The following VTI1A variants were observed in gnomAD, a reference collection of about 807,000 sequenced individuals.
VTI1A encodes the protein vesicle transport through interaction with t-SNAREs homolog 1A.
A neutral mutation model predicts 34.9 loss-of-function variants in VTI1A; 22 were observed. The ratio of observed to expected loss-of-function variants is 0.63; its 90% CI spans 0.45 to 0.90. The LOEUF is 0.90. Among genes scored for constraint, VTI1A ranks in the 40% least tolerant of loss-of-function variants. VTI1A has a pLI of 0.00. For synonymous variants in VTI1A, 87 were observed against 97.3 expected (o/e 0.89, Z 0.62); for missense variants, 268 against 275.6 (o/e 0.97, Z 0.20).
At chr10:112,468,926 T>A (rs1847990970) in intron 3 of VTI1A, among the ~76,000 whole-genome samples, 1 of 152,238 alleles carries the variant, frequency 6.6e-6, no homozygotes, top group Non-Finnish European at 1.5e-5. Flanking sequence ...TAAATATCTC[T>A]ACTACTGAAA....
intron 7 of VTI1A, among the ~76,000 whole-genome samples, chr10:112,747,499 A>G (rs1850939067): frequency 6.6e-6 from 1 of 152,232 alleles, no homozygotes. Flanking sequence ...GTATATAAAC[A>G]TAGAAAAGTT....
At chr10:112,827,814 A>G in the VTI1A span, 19 of 152,344 alleles carry the variant, frequency 1.2e-4, no homozygotes, top group Non-Finnish European at 2.5e-4. Context: ...TCTTCAGTTC[A>G]GTGCTCTGCT....
chr10:112,663,572 G>C (rs1847539679), intron 5 of VTI1A, among the ~76,000 whole-genome samples: 1 of 152,140 alleles, frequency 6.6e-6, no homozygotes, highest in Admixed American at 6.6e-5. Context: ...TTTCCATTGT[G>C]ATATTTTTCC....
At chr10:112,722,552 C>A (rs1007749783) in intron 7 of VTI1A, among the ~76,000 whole-genome samples, 8 of 152,004 alleles carry the variant, frequency 5.3e-5, no homozygotes, top group South Asian at 4.2e-4. Context: ...TTGATATGAG[C>A]CTGCAACATG....
intron 1 of VTI1A, among the ~76,000 whole-genome samples, chr10:112,453,227 A>T (rs1284314016): frequency 6.6e-6 from 1 of 152,158 alleles, no homozygotes; most frequent in African/African-American, 2.4e-5. Context: ...CATTTTCACC[A>T]CATACCAAGA....
At position 112,595,086 on chromosome 10, in the gene VTI1A, G is replaced by T. The variant is rs976805673; in HGVS notation, c.427+56756G>T. Among the ~76,000 whole-genome samples the T allele has an allele frequency of 6.3e-4, 93 of 148,680 alleles. 1 individual carries two copies. Among genetic ancestry groups the T allele is most frequent in the Non-Finnish European group, 8.3e-4 (56 of 67,300 alleles). On this transcript the variant is annotated intron_variant, in intron 5 of 7. Transcript: ENST00000393077. ...AAGGATTCCCTATTTAATAAATGGT[G>T]CTGGGAAAACTGGCTAGCCATATGT... is the stretch of plus-strand genomic sequence containing the variant.
chr10:112,830,449 G>T, the VTI1A span, among the ~76,000 whole-genome samples: 980 of 151,236 alleles, frequency 6.5e-3, 13 homozygotes, highest in African/African-American at 0.021. Context: ...TACCTGCCCT[G>T]TCTCAGGTTA....
chr10:112,819,729 G>A (rs924936726), downstream of VTI1A, among the ~76,000 whole-genome samples: 12 of 152,162 alleles, frequency 7.9e-5, no homozygotes, highest in Non-Finnish European at 2.9e-5. Flanking sequence ...GGAGGACAAA[G>A]CCCCATCGTC....
At chr10:112,480,006 C>T (rs1483802962) in intron 3 of VTI1A, among the ~76,000 whole-genome samples, 1 of 152,126 alleles carries the variant, frequency 6.6e-6, no homozygotes, top group African/African-American at 2.4e-5. Flanking sequence ...TATTGTCATT[C>T]ATATTGATAA....
the VTI1A span, among the ~76,000 whole-genome samples, chr10:112,830,849 A>ATATATATATATATATATTTT: frequency 7.2e-4 from 24 of 33,490 alleles, no homozygotes; most frequent in South Asian, 3.2e-3. Flanking sequence ...ATATATATAT[A>ATATATATATATATATATTTT]TTTTTTTTTT....
At chr10:112,607,821 T>G (rs1845142471) in intron 5 of VTI1A, among the ~76,000 whole-genome samples, 4 of 152,212 alleles carry the variant, frequency 2.6e-5, no homozygotes, top group Admixed American at 2.6e-4. Context: ...GGAAGCCTTG[T>G]GCTTTTATTC....
intron 3 of VTI1A, among the ~76,000 whole-genome samples, chr10:112,480,100 G>C (rs1012162333): frequency 6.6e-6 from 1 of 152,164 alleles, no homozygotes; most frequent in African/African-American, 2.4e-5. Flanking sequence ...TACATACTGA[G>C]AACTTGGCCT....
intron 7 of VTI1A, among the ~76,000 whole-genome samples, chr10:112,706,091 T>G (rs1849188541): frequency 6.6e-6 from 1 of 152,234 alleles, no homozygotes; most frequent in Non-Finnish European, 1.5e-5. Context: ...AACATCATCA[T>G]TTTCGTAGCC....
intron 7 of VTI1A, among the ~76,000 whole-genome samples, chr10:112,699,845 G>A (rs1564889576): frequency 6.7e-6 from 1 of 148,206 alleles, no homozygotes; most frequent in Non-Finnish European, 1.5e-5. Context: ...AAAAGACTGG[G>A]CATGGTGGCT....
chr10:112,818,916 G>C (rs1256579481), downstream of VTI1A, among the ~76,000 whole-genome samples: 2 of 152,122 alleles, frequency 1.3e-5, no homozygotes, highest in East Asian at 3.9e-4. Context: ...CCACTGATTT[G>C]GTTTCATGTA....
intron 5 of VTI1A, among the ~76,000 whole-genome samples, chr10:112,545,670 A>C (rs901387395): frequency 2.0e-5 from 3 of 152,244 alleles, no homozygotes; most frequent in African/African-American, 7.2e-5. Flanking sequence ...CTTGGGTCCC[A>C]TGTCGGATCT....
intron 5 of VTI1A, among the ~76,000 whole-genome samples, chr10:112,614,410 T>G (rs928459509): frequency 2.0e-5 from 3 of 152,188 alleles, no homozygotes; most frequent in Non-Finnish European, 4.4e-5. Context: ...GGTTAATATT[T>G]GGTTCACTCT....
At chr10:112,607,975 A>C (rs1261236795) in intron 5 of VTI1A, among the ~76,000 whole-genome samples, 4 of 152,142 alleles carry the variant, frequency 2.6e-5, no homozygotes, top group Non-Finnish European at 5.9e-5. Context: ...TTATAACCTA[A>C]CCTTGGAATT....
At chr10:112,539,473 G>C (rs187289096) in intron 5 of VTI1A, among the ~76,000 whole-genome samples, 8 of 152,290 alleles carry the variant, frequency 5.3e-5, no homozygotes, top group African/African-American at 1.9e-4. Flanking sequence ...AGATTTAATA[G>C]TTATGGACAG....
Sources: allele counts gnomAD v4.1 joint callset (sites outside exome capture counted in the v4.1 genomes callset), GRCh38; gene constraint gnomAD v4.1.1; transcripts MANE v1.5; gene names NCBI Gene and HGNC (gene_info 2026-07-23, HGNC 2026-07-21).